Variants in GID4 observed in about 807,000 individuals in gnomAD.
The protein encoded by GID4 is glucose-induced degradation protein 4 homolog.
GID4 carries 7 observed loss-of-function variants against 32.4 expected under a neutral mutation model. The ratio of observed to expected loss-of-function variants is 0.22; its 90% CI spans 0.12 to 0.41. The LOEUF is 0.41. GID4 is among the 10% of genes least tolerant of loss of function. The pLI is 1.00. For missense variants in GID4, 309 were observed against 400.0 expected (o/e 0.77, Z 1.94); for synonymous variants, 166 against 170.0 (o/e 0.98, Z 0.18).
In GID4 at chr17:18,067,538, G is replaced by A. The variant is rs1177813128; in HGVS notation, c.*2295G>A. ...TATGAGAAGATTTGTTCATTTAAAA[G>A]TCTGCCCACTGAGGATAGGGAAAGG... On this transcript the variant is annotated 3_prime_UTR_variant, in exon 6 of 6. Transcript: ENST00000268719. 6.6e-6 allele frequency: 1 copy of A among 152,494 alleles called. No individual in the cohort carries two copies. Among genetic ancestry groups the A allele is most frequent in the Non-Finnish European group, 1.5e-5 (1 of 68,026 alleles). The allele number at this position is 152,494 out of a possible 1,614,324, so 9.4% of individuals were successfully genotyped here. A position where few individuals can be genotyped will look rare whatever the true frequency, so the allele number is the denominator to read the frequency against.
In GID4 at chr17:18,039,587, C is replaced by CCCCAG; in HGVS notation, c.126_127insAGCCC (p.Arg44ProfsTer100). 7.7e-7 allele frequency: 1 copy of CCCCAG among 1,294,572 alleles called. No homozygotes were observed. The allele number at this position is 1,294,572 out of a possible 1,614,324, so 80.2% of individuals were successfully genotyped here. ...TCCGCAGGCAGCGGGCGGGTGGTCG[C>CCCCAG]CCCTCCCGCCCCCACCCCGCGCGTG... On this transcript the variant is annotated frameshift_variant, in exon 1 of 6. Transcript: ENST00000268719. LOFTEE classifies it high-confidence loss of function. The surrounding 1 kb of genome is among the most constrained non-coding windows in gnomAD (Gnocchi z 5.3).
intron 4 of GID4, among the ~76,000 whole-genome samples, chr17:18,060,932 G>A (rs1340705170): frequency 6.6e-6 from 1 of 151,902 alleles, no homozygotes; most frequent in African/African-American, 2.4e-5. Context: ...ACGGGTTTTC[G>A]CCATATTGGC....
intron 3 of GID4, chr17:18,056,726 G>T: frequency 6.5e-7 from 1 of 1,550,258 alleles, no homozygotes; most frequent in East Asian, 2.4e-5. Context: ...ATCTGGATCT[G>T]CAGACTCTGC....
Position 18,039,590 on chromosome 17 carries a change from C to T in GID4, c.126C>T (p.Pro42=). 1.5e-6 allele frequency: 2 copies of T among 1,297,330 alleles called. No homozygotes were observed. The highest frequency in any genetic ancestry group is 9.7e-7 in the Non-Finnish European group (1 of 1,026,340). The allele number at this position is 1,297,330 out of a possible 1,614,324, so 80.4% of individuals were successfully genotyped here. A position where few individuals can be genotyped will look rare whatever the true frequency, so the allele number is the denominator to read the frequency against. ...LLRRQRAGGR[P]SRPHPARARP... is the part of the protein sequence containing the mutation. ...GCAGGCAGCGGGCGGGTGGTCGCCC[C>T]TCCCGCCCCCACCCCGCGCGTGCGC... is the stretch of plus-strand genomic sequence containing the variant. Residue 42 remains proline, a synonymous_variant, in exon 1 of 6, where the codon CCC becomes CCT. Coordinates refer to ENST00000268719, the MANE Select transcript of GID4 (RefSeq NM_024052.5). The surrounding 1 kb of genome is among the most constrained non-coding windows in gnomAD (Gnocchi z 5.3).
chr17:18,062,058 C>T, intron 5 of GID4, 83 bp downstream of exon 5: 2 of 1,289,588 alleles, frequency 1.6e-6, no homozygotes, highest in Non-Finnish European at 2.2e-6. Context: ...CCAAAAGCAA[C>T]ATCTTAGCCT....
chr17:18,053,441 C>T (rs933333310), intron 2 of GID4, among the ~76,000 whole-genome samples: 7 of 151,836 alleles, frequency 4.6e-5, no homozygotes, highest in Admixed American at 1.3e-4. Flanking sequence ...GGCGAAACCC[C>T]GTCTCTACTA....
chr17:18,053,433 C>T (rs572562105), intron 2 of GID4, among the ~76,000 whole-genome samples: 7 of 151,750 alleles, frequency 4.6e-5, no homozygotes, highest in African/African-American at 1.4e-4. Flanking sequence ...GCCAACATGG[C>T]GAAACCCCGT....
intron 3 of GID4, chr17:18,056,851 A>G (rs2044972309): frequency 1.3e-6 from 2 of 1,550,574 alleles, no homozygotes; most frequent in East Asian, 4.9e-5. Context: ...TTCCTCCTCC[A>G]ACAGTTTGTG....
intron 1 of GID4, among the ~76,000 whole-genome samples, chr17:18,041,496 A>G (rs1188118278): frequency 6.6e-6 from 1 of 152,232 alleles, no homozygotes; most frequent in Non-Finnish European, 1.5e-5. Context: ...AGTTATTATA[A>G]TGGAAATACG....
At chr17:18,043,623 A>G (rs2044823761) in intron 1 of GID4, among the ~76,000 whole-genome samples, 1 of 152,240 alleles carries the variant, frequency 6.6e-6, no homozygotes, top group Non-Finnish European at 1.5e-5. Context: ...CACCAGCACC[A>G]AACTGTGAAG....
chr17:18,063,790 T>A (rs1425890950), intron 5 of GID4, among the ~76,000 whole-genome samples: 2 of 152,202 alleles, frequency 1.3e-5, no homozygotes, highest in Admixed American at 1.3e-4. Context: ...TCCCCCAGGC[T>A]GGAGTTCAGT....
In GID4 at chr17:18,061,778, TA is replaced by T. The variant is rs1243975433; in HGVS notation, c.709-65del. ...GTGGTCCTTAGAACCCCCTGATGCT[TA>T]ACAGGGAGGCCCCGTGGGTGGTCAG... On this transcript the variant is annotated intron_variant, in intron 4 of 5. Coordinates refer to ENST00000268719, the MANE Select transcript of GID4 (RefSeq NM_024052.5). This position sits in a 1 kb window ranked among gnomAD's most constrained non-coding sequence, Gnocchi z 4.4. The T allele has an allele frequency of 1.3e-6, 2 of 1,511,230 alleles. No individual in the cohort carries two copies. Among genetic ancestry groups the T allele is most frequent in the Non-Finnish European group, 1.8e-6 (2 of 1,089,410 alleles). 93.6% of individuals were successfully genotyped at this position (1,511,230 alleles called of 1,614,324 possible).
intron 3 of GID4, among the ~76,000 whole-genome samples, chr17:18,055,765 T>G (rs977106043): frequency 4.0e-5 from 6 of 151,134 alleles, no homozygotes; most frequent in African/African-American, 1.5e-4. Flanking sequence ...GCTGGGATTA[T>G]AGGTGTGAGC....
At position 18,062,287 on chromosome 17, in the gene GID4, T is replaced by A. The variant is rs1198435522; in HGVS notation, c.839+312T>A. 7 of 266,654 alleles carry A rather than the reference T, an allele frequency of 2.6e-5. No homozygotes were observed. The Admixed American group carries it at 2.7e-4, about 10-fold the overall frequency. The allele number at this position is 266,654 out of a possible 1,614,324, so 16.5% of individuals were successfully genotyped here. A position where few individuals can be genotyped will look rare whatever the true frequency, so the allele number is the denominator to read the frequency against. ...TGGTTTTTATTTAATCCTTGCAAAT[T>A]GAATTAGTAACTAAAATGTGAATTG... On this transcript the variant is annotated intron_variant, in intron 5 of 5. Transcript: ENST00000268719.
intron 4 of GID4, among the ~76,000 whole-genome samples, chr17:18,059,849 G>C (rs2045002964): frequency 6.6e-6 from 1 of 151,990 alleles, no homozygotes; most frequent in African/African-American, 2.4e-5. Flanking sequence ...ACTTTGGGAG[G>C]CTGAAGCAGG....
At chr17:18,062,389 G>T (rs950073313) in intron 5 of GID4, among the ~76,000 whole-genome samples, 1 of 152,166 alleles carries the variant, frequency 6.6e-6, no homozygotes, top group African/African-American at 2.4e-5. Context: ...GAGTTGGTCC[G>T]ACATGCACTT....
intron 4 of GID4, 103 bp downstream of exon 4, chr17:18,059,072 C>A: frequency 1.5e-6 from 1 of 673,252 alleles, no homozygotes; most frequent in Non-Finnish European, 2.7e-6. Context: ...CAGTGCTCGT[C>A]ACAGCTGGTT....
At chr17:18,047,541 C>T (rs986996646) in intron 2 of GID4, among the ~76,000 whole-genome samples, 6 of 152,224 alleles carry the variant, frequency 3.9e-5, no homozygotes, top group Admixed American at 3.3e-4. Flanking sequence ...CCCCGTGAGT[C>T]GAGAGCAGCA....
chr17:18,043,806 CCT>C (rs563789747), intron 1 of GID4, among the ~76,000 whole-genome samples: 488 of 152,300 alleles, frequency 3.2e-3, no homozygotes, highest in African/African-American at 0.011. Flanking sequence ...TGAAATAAGA[CCT>C]CACTTAACAT....
Sources: allele counts gnomAD v4.1 joint callset (sites outside exome capture counted in the v4.1 genomes callset), GRCh38; gene constraint gnomAD v4.1.1; non-coding constraint Gnocchi (gnomAD v3.1); transcripts MANE v1.5; gene names NCBI Gene and HGNC (gene_info 2026-07-23, HGNC 2026-07-21).